Variants in ACSL3 observed in about 807,000 individuals in gnomAD.
The protein encoded by ACSL3 is acyl-CoA synthetase long chain family member 3.
In ACSL3, 34 loss-of-function variants were observed where a neutral mutation model predicts 84.7. That is an observed-to-expected ratio of 0.40 (90% CI 0.31 to 0.53). ACSL3 has a LOEUF of 0.53. Among genes scored for constraint, ACSL3 ranks in the 20% least tolerant of loss-of-function variants. The pLI is 0.48. For missense variants in ACSL3, 680 were observed against 873.1 expected (o/e 0.78, Z 2.79); for synonymous variants, 315 against 299.4 (o/e 1.05, Z -0.54).
chr2:222,931,167 A>G (rs914721351), intron 14 of ACSL3, among the ~76,000 whole-genome samples: 4 of 152,344 alleles, frequency 2.6e-5, no homozygotes, highest in Non-Finnish European at 5.9e-5. Flanking sequence ...AAAGCCAGGC[A>G]GCTCAAGTAC....
chr2:222,873,817 A>G (rs896788243), intron 1 of ACSL3, among the ~76,000 whole-genome samples: 2 of 152,212 alleles, frequency 1.3e-5, no homozygotes, highest in African/African-American at 4.8e-5. Flanking sequence ...ACCCATTATT[A>G]TAAATAGCAA....
rs150751871 is a variant in ACSL3, at chr2:222,894,096, A to G, written c.-148+6208A>G. Among the ~76,000 whole-genome samples the G allele has an allele frequency of 5.1e-3, 782 of 152,324 alleles. 9 individuals carry two copies. The highest frequency in any genetic ancestry group is 0.018 in the African/African-American group (744 of 41,564). On this transcript the variant is annotated intron_variant, in intron 2 of 16. Coordinates refer to ENST00000357430, the MANE Select transcript of ACSL3 (RefSeq NM_004457.5). ...ATATTAATAATATTATTTAATAGCAATTTTTAACATAAAATTTTATTTTAA... is the reference window on the plus strand; with the variant it reads ...ATATTAATAATATTATTTAATAGCAGTTTTTAACATAAAATTTTATTTTAA...
chr2:222,921,223 G>A, intron 7 of ACSL3, 57 bp from the exon 8 acceptor site: 1 of 1,545,712 alleles, frequency 6.5e-7, no homozygotes, highest in South Asian at 1.2e-5. Context: ...AAAAGAAATT[G>A]TTGATACAGC....
chr2:222,912,567 T>C (rs1434199642), intron 4 of ACSL3, among the ~76,000 whole-genome samples: 3 of 152,262 alleles, frequency 2.0e-5, no homozygotes, highest in Non-Finnish European at 1.5e-5. Flanking sequence ...AGTAAGACTT[T>C]TGGGGATTAA....
At position 222,863,093 on chromosome 2, in the gene ACSL3, G is replaced by T. The variant is rs78192093; in HGVS notation, c.-207+1835G>T. On this transcript the variant is annotated intron_variant, in intron 1 of 16. Transcript: ENST00000357430. ...TCACCTAGAGCCATTTAATTTTTGTGATATGTCAGGCACCTTATTAGGTGC... is the reference window on the plus strand; with the variant it reads ...TCACCTAGAGCCATTTAATTTTTGTTATATGTCAGGCACCTTATTAGGTGC... Among the ~76,000 whole-genome samples the T allele has an allele frequency of 6.1e-3, 935 of 152,254 alleles. 10 individuals carry two copies. Among genetic ancestry groups the T allele is most frequent in the African/African-American group, 0.021 (885 of 41,522 alleles).
At chr2:222,904,012 C>T (rs1574541882) in intron 3 of ACSL3, among the ~76,000 whole-genome samples, 3 of 152,152 alleles carry the variant, frequency 2.0e-5, no homozygotes, top group African/African-American at 7.2e-5. Context: ...CGGTGGCTCA[C>T]GCCTGTAATC....
chr2:222,922,676 C>T, intron 8 of ACSL3, 32 bp from the exon 9 acceptor site: 1 of 1,612,630 alleles, frequency 6.2e-7, no homozygotes, highest in Middle Eastern at 1.7e-4. Flanking sequence ...CGACACCTGA[C>T]TTTTGTTTCT....
At chr2:222,916,624 G>A (rs1696591509) in intron 5 of ACSL3, 128 bp downstream of exon 5, 4 of 1,090,286 alleles carry the variant, frequency 3.7e-6, no homozygotes, top group Non-Finnish European at 1.2e-6. Context: ...GAACTCTGTT[G>A]TGACTTGGAA....
At chr2:222,932,303 G>T (rs1383976500) in intron 14 of ACSL3, among the ~76,000 whole-genome samples, 1 of 152,144 alleles carries the variant, frequency 6.6e-6, no homozygotes, top group Admixed American at 6.5e-5. Context: ...TGCTAATGGA[G>T]TCCATTAAGT....
At chr2:222,898,675 A>G (rs1336528735) in intron 2 of ACSL3, among the ~76,000 whole-genome samples, 2 of 152,180 alleles carry the variant, frequency 1.3e-5, no homozygotes, top group Non-Finnish European at 2.9e-5. Context: ...TACAAAAACA[A>G]AATTAGCCGG....
At chr2:222,870,978 T>C (rs1461015799) in intron 1 of ACSL3, among the ~76,000 whole-genome samples, 2 of 151,838 alleles carry the variant, frequency 1.3e-5, no homozygotes, top group East Asian at 3.9e-4. Context: ...GATGCATTGA[T>C]GGAGGAGGGG....
chr2:222,922,896 A>G (rs1299803630), intron 9 of ACSL3, 65 bp downstream of exon 9: 1 of 1,598,192 alleles, frequency 6.3e-7, no homozygotes, highest in Non-Finnish European at 8.6e-7. Context: ...CATTTTTTTC[A>G]GTCAGTATGA....
At chr2:222,919,961 G>A (rs935520613) in intron 7 of ACSL3, among the ~76,000 whole-genome samples, 15 of 152,170 alleles carry the variant, frequency 9.9e-5, no homozygotes, top group Non-Finnish European at 1.6e-4. Context: ...GTGGGAGTAG[G>A]GGGTGAGGTC....
chr2:222,905,944 T>TGTCTACTAAGTCTGACATC (rs1696280551), intron 3 of ACSL3, among the ~76,000 whole-genome samples: 1 of 152,132 alleles, frequency 6.6e-6, no homozygotes, highest in Non-Finnish European at 1.5e-5. Context: ...TTTGCTGTCT[T>TGTCTACTAAGTCTGACATC]GTCTACTAAG....
rs116507902 is a variant in ACSL3, at chr2:222,884,220, T to C, written c.-206-3610T>C. Among the ~76,000 whole-genome samples the C allele has an allele frequency of 6.3e-3, 955 of 152,318 alleles. 10 individuals are homozygous for C. The highest frequency in any genetic ancestry group is 0.022 in the African/African-American group (904 of 41,556). On this transcript the variant is annotated intron_variant, in intron 1 of 16. Transcript: ENST00000357430. ...CAACATTTGGCACCAGGTTTAATAT[T>C]ATGAAACAGATCCGAGTATGTCATC... is the stretch of plus-strand genomic sequence containing the variant.
intron 1 of ACSL3, among the ~76,000 whole-genome samples, chr2:222,880,851 A>C (rs901988367): frequency 1.3e-5 from 2 of 151,924 alleles, no homozygotes; most frequent in South Asian, 2.1e-4. Context: ...AAAAACAAAA[A>C]AAAACCTGTC....
intron 13 of ACSL3, among the ~76,000 whole-genome samples, chr2:222,930,402 T>G (rs1323805220): frequency 6.6e-6 from 1 of 152,144 alleles, no homozygotes; most frequent in Non-Finnish European, 1.5e-5. Context: ...AATTTTTTTC[T>G]CAGAATAGAA....
chr2:222,873,149 A>G (rs939402336), intron 1 of ACSL3, among the ~76,000 whole-genome samples: 11 of 152,198 alleles, frequency 7.2e-5, no homozygotes, highest in African/African-American at 2.7e-4. Flanking sequence ...CAAACAGTTA[A>G]CTTTTTATGA....
chr2:222,891,437 ATATG>A (rs1695842943), intron 2 of ACSL3, among the ~76,000 whole-genome samples: 2 of 152,212 alleles, frequency 1.3e-5, no homozygotes, highest in African/African-American at 2.4e-5. Context: ...GCATGTGTGT[ATATG>A]TATTTAAAAT....
Sources: allele counts gnomAD v4.1 joint callset (sites outside exome capture counted in the v4.1 genomes callset), GRCh38; gene constraint gnomAD v4.1.1; transcripts MANE v1.5; gene names NCBI Gene and HGNC (gene_info 2026-07-23, HGNC 2026-07-21).